WASF2: variants seen among roughly 807,000 people sequenced by gnomAD.
WASF2 encodes the protein actin-binding protein WASF2.
A neutral mutation model predicts 45.0 loss-of-function variants in WASF2; 14 were observed. That is an observed-to-expected ratio of 0.31 (90% CI 0.21 to 0.49). The LOEUF (loss-of-function observed/expected upper bound fraction) is 0.49. WASF2 is among the 20% of genes least tolerant of loss of function. WASF2 has a pLI of 0.99. For missense variants in WASF2, 439 were observed against 636.1 expected, an observed-to-expected ratio of 0.69 and a Z score of 3.33; for synonymous variants, 200 against 236.3, an observed-to-expected ratio of 0.85 and a Z score of 1.41.
chr1:27,431,402 G>A (rs377310894), intron 1 of WASF2, among the ~76,000 whole-genome samples: 3 of 152,184 alleles, frequency 2.0e-5, no homozygotes, highest in East Asian at 3.9e-4. Flanking sequence ...AGGAAAGGTG[G>A]GAGGAGGTTA....
Position 27,474,871 on chromosome 1 carries a change from G to A in WASF2, c.-44+15115C>T, listed in dbSNP as rs555281422. Among the ~76,000 whole-genome samples the A allele has an allele frequency of 2.9e-4, 44 of 152,256 alleles. No homozygotes were observed. In the South Asian group the frequency reaches 8.7e-3, roughly 30 times the overall value. ...AGAGGCTGAGGTGGGAGGATCACTTGAGCCACAGAGGTTAAGGCTGCAGTG... is the reference window on the plus strand; with the variant it reads ...AGAGGCTGAGGTGGGAGGATCACTTAAGCCACAGAGGTTAAGGCTGCAGTG... On this transcript the variant is annotated intron_variant, in intron 1 of 8. Coordinates refer to ENST00000618852, the MANE Select transcript of WASF2 (RefSeq NM_006990.5).
At position 27,410,960 on chromosome 1, in the gene WASF2, C is replaced by A. The variant is rs542948725; in HGVS notation, c.825-754G>T. Among the ~76,000 whole-genome samples, 7 of 152,298 alleles carry A rather than the reference C, an allele frequency of 4.6e-5. No individual in the cohort carries two copies. The East Asian group carries it at 1.2e-3, about 25-fold the overall frequency. On this transcript the variant is annotated intron_variant, in intron 7 of 8. Coordinates refer to ENST00000618852, the MANE Select transcript of WASF2 (RefSeq NM_006990.5). The surrounding 1 kb of genome is among the most constrained non-coding windows in gnomAD (Gnocchi z 4.2). ...GTGTGAAGCTGAAGGTTTTCTTTTT[C>A]CACCTTTGTATCTACCCTGCACTAA...
chr1:27,467,716 G>C (rs1422071583), intron 1 of WASF2, among the ~76,000 whole-genome samples: 1 of 151,616 alleles, frequency 6.6e-6, no homozygotes, highest in Non-Finnish European at 1.5e-5. Context: ...ATGGAGACCA[G>C]CCTGGCTGAC....
chr1:27,432,285 G>A (rs1320564240), intron 1 of WASF2, among the ~76,000 whole-genome samples: 2 of 152,006 alleles, frequency 1.3e-5, no homozygotes, highest in Admixed American at 1.3e-4. Context: ...GTGTGATCTT[G>A]GGGGCAATTT....
At chr1:27,472,941 C>T (rs1214966088) in intron 1 of WASF2, among the ~76,000 whole-genome samples, 1 of 141,166 alleles carries the variant, frequency 7.1e-6, no homozygotes, top group African/African-American at 2.7e-5. Context: ...CACTGCATTC[C>T]AGCCTGGGAG....
chr1:27,414,787 C>G lies in WASF2; in HGVS notation c.668+46G>C. The G allele has an allele frequency of 6.2e-7, 1 of 1,605,948 alleles. No homozygotes were observed. Among genetic ancestry groups the G allele is most frequent in the Non-Finnish European group, 8.5e-7 (1 of 1,174,890 alleles). ...ACCAGAGCTGTCAGACTGTTGTCCCCAGCCCCTTCAAAGAATGCTACCAAC... is the reference window on the plus strand; with the variant it reads ...ACCAGAGCTGTCAGACTGTTGTCCCGAGCCCCTTCAAAGAATGCTACCAAC... On this transcript the variant is annotated intron_variant, in intron 6 of 8. Coordinates refer to ENST00000618852, the MANE Select transcript of WASF2 (RefSeq NM_006990.5). The surrounding 1 kb of genome is among the most constrained non-coding windows in gnomAD (Gnocchi z 4.1).
intron 2 of WASF2, among the ~76,000 whole-genome samples, chr1:27,425,108 T>C (rs1030856143): frequency 6.6e-6 from 1 of 152,206 alleles, no homozygotes; most frequent in Non-Finnish European, 1.5e-5. Flanking sequence ...TATTTATTTA[T>C]TTGAGACAAG....
chr1:27,405,855 G>C lies in WASF2; in HGVS notation c.*2334C>G, dbSNP rs1243948906. ...AACATAGCACATCGAAACCCTAGGA[G>C]GTCACTGAGCTAATGATCTAATCCT... On this transcript the variant is annotated 3_prime_UTR_variant, in exon 9 of 9. Transcript: ENST00000618852. 2.0e-5 allele frequency: 3 copies of C among 152,384 alleles called. No homozygotes were observed. Among genetic ancestry groups the C allele is most frequent in the African/African-American group, 4.8e-5 (2 of 41,350 alleles). 9.4% of individuals were successfully genotyped at this position (152,384 alleles called of 1,614,324 possible).
intron 1 of WASF2, among the ~76,000 whole-genome samples, chr1:27,441,100 T>C (rs1197960471): frequency 1.3e-5 from 2 of 152,036 alleles, no homozygotes; most frequent in Non-Finnish European, 2.9e-5. Flanking sequence ...ACTCCTGAGC[T>C]CAAGCGATCT....
chr1:27,433,995 A>G (rs947814589), intron 1 of WASF2, among the ~76,000 whole-genome samples: 2 of 152,206 alleles, frequency 1.3e-5, no homozygotes, highest in African/African-American at 4.8e-5. Flanking sequence ...GGGAAATTAT[A>G]TACTATAGTG....
chr1:27,432,027 C>A (rs1571133634), intron 1 of WASF2, among the ~76,000 whole-genome samples: 1 of 152,180 alleles, frequency 6.6e-6, no homozygotes, highest in East Asian at 1.9e-4. Flanking sequence ...ATGACATGCA[C>A]CATTGCTCAT....
chr1:27,433,385 A>C (rs1364025341), intron 1 of WASF2, among the ~76,000 whole-genome samples: 1 of 152,238 alleles, frequency 6.6e-6, no homozygotes, highest in Non-Finnish European at 1.5e-5. Flanking sequence ...AATATATTAC[A>C]TATAATGAAT....
At chr1:27,475,055 G>C (rs533039246) in intron 1 of WASF2, among the ~76,000 whole-genome samples, 1 of 152,092 alleles carries the variant, frequency 6.6e-6, no homozygotes, top group African/African-American at 2.4e-5. Flanking sequence ...CAGGAGGACT[G>C]CTTGAGGCCA....
At chr1:27,463,110 A>C (rs1003762621) in intron 1 of WASF2, among the ~76,000 whole-genome samples, 6 of 152,214 alleles carry the variant, frequency 3.9e-5, no homozygotes, top group African/African-American at 1.2e-4. Flanking sequence ...ATGGGCCACT[A>C]TGCCTGGCCG....
At chr1:27,467,046 C>G (rs913291274) in intron 1 of WASF2, among the ~76,000 whole-genome samples, 2 of 150,474 alleles carry the variant, frequency 1.3e-5, no homozygotes, top group East Asian at 3.9e-4. Context: ...GAAACCCCAT[C>G]CCTATAAAAA....
intron 1 of WASF2, among the ~76,000 whole-genome samples, chr1:27,474,561 C>G (rs536130327): frequency 6.6e-6 from 1 of 151,724 alleles, no homozygotes; most frequent in African/African-American, 2.4e-5. Context: ...CACGAGGTCA[C>G]AAGATCGAGA....
intron 1 of WASF2, among the ~76,000 whole-genome samples, chr1:27,446,696 G>C (rs564036757): frequency 6.6e-6 from 1 of 151,316 alleles, no homozygotes; most frequent in Admixed American, 6.6e-5. Context: ...TGGGTGGATC[G>C]CTTGAGCCTG....
intron 1 of WASF2, among the ~76,000 whole-genome samples, chr1:27,443,105 A>G (rs2017262052): frequency 6.6e-6 from 1 of 151,356 alleles, no homozygotes; most frequent in Non-Finnish European, 1.5e-5. Flanking sequence ...TCGAGCCTGC[A>G]GTAGGCTGTG....
chr1:27,414,521 C>T lies in WASF2; in HGVS notation c.668+312G>A, dbSNP rs1038551836. ...TGGAGGCAAAGGATTCCCAAGACCACTTTTCTTCCCTTTCCAATCTTTCCT... is the reference window on the plus strand; with the variant it reads ...TGGAGGCAAAGGATTCCCAAGACCATTTTTCTTCCCTTTCCAATCTTTCCT... On this transcript the variant is annotated intron_variant, in intron 6 of 8. Coordinates refer to ENST00000618852, the MANE Select transcript of WASF2 (RefSeq NM_006990.5). This position sits in a 1 kb window ranked among gnomAD's most constrained non-coding sequence, Gnocchi z 4.1. 6.6e-5 allele frequency among the ~76,000 whole-genome samples: 10 copies of T among 152,184 alleles called. No individual in the cohort carries two copies. The highest frequency in any genetic ancestry group is 2.4e-4 in the African/African-American group (10 of 41,450).
Sources: gnomAD v4.1 joint callset for allele counts (sites outside exome capture counted in the v4.1 genomes callset) on GRCh38, gnomAD v4.1.1 for gene constraint, Gnocchi (gnomAD v3.1) non-coding constraint, MANE v1.5 for transcripts, NCBI Gene and HGNC (gene_info 2026-07-23, HGNC 2026-07-21) for gene names.